Variants in GSE1 observed in about 807,000 individuals in gnomAD.
GSE1 encodes Gse1 coiled-coil protein, also known as genetic suppressor element 1.
A neutral mutation model predicts 112.6 loss-of-function variants in GSE1; 32 were observed. That is an observed-to-expected ratio of 0.28 (90% CI 0.21 to 0.38). The LOEUF is 0.38. Ranked by LOEUF, GSE1 falls within the 10% of genes least tolerant of loss-of-function variation. GSE1 has a pLI of 1.00. For missense variants in GSE1, 2,348 were observed against 1,699.2 expected (o/e 1.38, Z -6.71); for synonymous variants, 1,115 against 735.6 (o/e 1.52, Z -8.35).
chr16:85,604,686 A>G (rs2047605929), intron 1 of GSE1, among the ~76,000 whole-genome samples: 1 of 113,444 alleles, frequency 8.8e-6, no homozygotes, highest in African/African-American at 3.5e-5. Context: ...TCGAGACTGC[A>G]GTGAGCTATG....
At chr16:85,219,573 C>G (rs958146243) in intron 1 of GSE1, among the ~76,000 whole-genome samples, 1 of 152,206 alleles carries the variant, frequency 6.6e-6, no homozygotes, top group Non-Finnish European at 1.5e-5. Flanking sequence ...ACTCACTGCA[C>G]GGCCCAGAAG....
intron 2 of GSE1, among the ~76,000 whole-genome samples, chr16:85,450,463 T>A (rs1399761532): frequency 6.6e-6 from 1 of 151,254 alleles, no homozygotes; most frequent in Non-Finnish European, 1.5e-5. Context: ...TTTATTTTTA[T>A]TTTTGAGACA....
At position 85,672,699 on chromosome 16, in the gene GSE1, C is replaced by A; in HGVS notation, c.*160C>A. 1 of 474,490 alleles carries A rather than the reference C, an allele frequency of 2.1e-6. No individual in the cohort carries two copies. Among genetic ancestry groups the A allele is most frequent in the Non-Finnish European group, 3.6e-6 (1 of 274,298 alleles). 29.4% of individuals were successfully genotyped at this position (474,490 alleles called of 1,614,324 possible). On this transcript the variant is annotated 3_prime_UTR_variant, in exon 16 of 16. Coordinates refer to ENST00000253458, the MANE Select transcript of GSE1 (RefSeq NM_014615.5). Reference sequence around the variant, plus strand: ...CCAGGCTCCAGAAAAAATGAATGAACTCACCTTGACGTCAATGCAATTGAA... The same window carrying A: ...CCAGGCTCCAGAAAAAATGAATGAAATCACCTTGACGTCAATGCAATTGAA...
Position 85,218,497 on chromosome 16 carries a change from G to A in GSE1, c.2283+46690G>A, listed in dbSNP as rs527309806. ...ACACTTCTGGGGCTGCACGTGAAAC[G>A]AGACGTGCCGCTCGTAGTGGTAAAA... On this transcript the variant is annotated intron_variant, in intron 1 of 2. Coordinates refer to the GSE1 transcript ENST00000637419. Among the ~76,000 whole-genome samples, 6 of 152,340 alleles carry A rather than the reference G, an allele frequency of 3.9e-5. No individual in the cohort carries two copies. The South Asian group carries it at 1.0e-3, about 26-fold the overall frequency.
At chr16:85,398,404 T>A (rs959207757) in intron 2 of GSE1, among the ~76,000 whole-genome samples, 2 of 152,166 alleles carry the variant, frequency 1.3e-5, no homozygotes, top group Middle Eastern at 3.4e-3. Context: ...GTGTGCCAGC[T>A]CCCAGTCAGC....
chr16:85,451,870 G>A (rs1194174412), intron 2 of GSE1, among the ~76,000 whole-genome samples: 1 of 152,206 alleles, frequency 6.6e-6, no homozygotes, highest in Non-Finnish European at 1.5e-5. Context: ...GGTTTGCCCG[G>A]TGGAGACACT....
chr16:85,396,889 C>G (rs2047978513), intron 2 of GSE1, among the ~76,000 whole-genome samples: 1 of 151,292 alleles, frequency 6.6e-6, no homozygotes, highest in Non-Finnish European at 1.5e-5. Context: ...CAGAGAGAGA[C>G]AGAGAGCAAC....
At chr16:85,643,371 G>A (rs775922682) in intron 2 of GSE1, among the ~76,000 whole-genome samples, 5 of 152,192 alleles carry the variant, frequency 3.3e-5, no homozygotes, top group African/African-American at 7.2e-5. Context: ...GGCATCGATC[G>A]AGGCTGAGCT....
chr16:85,624,811 G>A (rs1039931646), intron 1 of GSE1, among the ~76,000 whole-genome samples: 1 of 152,202 alleles, frequency 6.6e-6, no homozygotes, highest in African/African-American at 2.4e-5. Flanking sequence ...ATGTGACAAG[G>A]GACCCCAGGT....
chr16:85,541,447 T>C (rs9932681), intron 2 of GSE1, among the ~76,000 whole-genome samples: 56,376 of 152,150 alleles, frequency 0.37, 10,743 homozygotes, highest in Middle Eastern at 0.5. Context: ...GTGTCCCCAC[T>C]GCCCCAGCTG....
At chr16:85,548,275 C>T (rs983974616) in intron 2 of GSE1, among the ~76,000 whole-genome samples, 1 of 146,480 alleles carries the variant, frequency 6.8e-6, no homozygotes, top group African/African-American at 2.5e-5. Flanking sequence ...AAGAAATATT[C>T]GAATTATTCT....
chr16:85,597,671 A>G (rs532837755), intron 1 of GSE1, among the ~76,000 whole-genome samples: 1 of 152,096 alleles, frequency 6.6e-6, no homozygotes, highest in African/African-American at 2.4e-5. Flanking sequence ...GGGTTTCGCC[A>G]TGTTGCCTAG....
intron 2 of GSE1, among the ~76,000 whole-genome samples, chr16:85,411,669 C>G (rs1300887253): frequency 4.9e-5 from 2 of 40,784 alleles, no homozygotes; most frequent in Admixed American, 2.4e-4. Flanking sequence ...CTCTTACACT[C>G]AGGGCCCCCC....
At chr16:85,653,622 G>C (rs534891366) in intron 3 of GSE1, among the ~76,000 whole-genome samples, 2 of 151,972 alleles carry the variant, frequency 1.3e-5, no homozygotes, top group African/African-American at 2.4e-5. Context: ...GCCCCACCGT[G>C]TGTGTGAAGG....
chr16:85,500,432 C>T (rs1269633154), intron 2 of GSE1, among the ~76,000 whole-genome samples: 1 of 152,234 alleles, frequency 6.6e-6, no homozygotes, highest in Non-Finnish European at 1.5e-5. Context: ...ACTTCAAAAG[C>T]AGCTCCCCAC....
intron 1 of GSE1, among the ~76,000 whole-genome samples, chr16:85,243,791 G>A (rs920648561): frequency 6.6e-6 from 1 of 152,210 alleles, no homozygotes; most frequent in Non-Finnish European, 1.5e-5. Flanking sequence ...GGGAGTCCAA[G>A]CAACCTTCAC....
rs1360194602 is a variant in GSE1, at chr16:85,407,904, CT to C, written c.2464+50262del. ...CCTCACCGTTACACTCAGGGCCCCCCTGGATAATCCTCACCGTTACTCTCAG... is the reference window on the plus strand; with the variant it reads ...CCTCACCGTTACACTCAGGGCCCCCCGGATAATCCTCACCGTTACTCTCAG... On this transcript the variant is annotated intron_variant, in intron 2 of 2. Coordinates refer to the GSE1 transcript ENST00000637419. Among the ~76,000 whole-genome samples the C allele has an allele frequency of 4.3e-4, 19 of 43,998 alleles. 3 individuals carry two copies. The highest frequency in any genetic ancestry group is 1.3e-3 in the Admixed American group (7 of 5,540). The allele number at this position is 43,998 out of a possible 152,430, so 28.9% of individuals were successfully genotyped here.
Position 85,478,939 on chromosome 16 carries a change from T to C in GSE1, c.2464+121296T>C, listed in dbSNP as rs1453838236. Among the ~76,000 whole-genome samples, 27 of 119,416 alleles carry C rather than the reference T, an allele frequency of 2.3e-4. 3 individuals are homozygous for C. The highest frequency in any genetic ancestry group is 8.2e-4 in the African/African-American group (25 of 30,578). 78.3% of individuals were successfully genotyped at this position (119,416 alleles called of 152,430 possible). A position where few individuals can be genotyped will look rare whatever the true frequency, so the allele number is the denominator to read the frequency against. Reference sequence around the variant, plus strand: ...TCTTTCTTTCTTTCTCTTTCTTTCTTTCTTTCTTTTTTTTTCTTTCTTTCT... The same window carrying C: ...TCTTTCTTTCTTTCTCTTTCTTTCTCTCTTTCTTTTTTTTTCTTTCTTTCT... On this transcript the variant is annotated intron_variant, in intron 2 of 2. Coordinates refer to the GSE1 transcript ENST00000637419.
At chr16:85,386,090 G>A (rs547824754) in intron 2 of GSE1, among the ~76,000 whole-genome samples, 61 of 152,330 alleles carry the variant, frequency 4.0e-4, no homozygotes, top group African/African-American at 1.4e-3. Context: ...TCTGTGACAG[G>A]TCAGGGTTGA....
Sources: gnomAD v4.1 joint callset for allele counts (sites outside exome capture counted in the v4.1 genomes callset) on GRCh38, gnomAD v4.1.1 for gene constraint, MANE v1.5 for transcripts, NCBI Gene and HGNC (gene_info 2026-07-23, HGNC 2026-07-21) for gene names.